The following FAM118B variants were observed in gnomAD, a reference collection of about 807,000 sequenced individuals.
FAM118B encodes the protein protein FAM118B.
Under a neutral mutation model 38.5 loss-of-function variants are expected in FAM118B, and 24 were observed. That is an observed-to-expected ratio of 0.62 (90% CI 0.45 to 0.88). The LOEUF is 0.88. Among genes scored for constraint, FAM118B ranks in the 40% least tolerant of loss-of-function variants. The pLI is 0.00. For synonymous variants in FAM118B, 138 were observed against 156.3 expected (o/e 0.88, Z 0.87); for missense variants, 334 against 420.0 (o/e 0.80, Z 1.79).
chr11:126,236,759 A>AT (rs542616355), intron 3 of FAM118B, among the ~76,000 whole-genome samples: 88 of 131,298 alleles, frequency 6.7e-4, no homozygotes, highest in African/African-American at 2.5e-3. Context: ...GTGTTGCTTT[A>AT]TTTTTTTCCC....
chr11:126,216,740 C>T lies in FAM118B; in HGVS notation c.-77+4910C>T, dbSNP rs372144637. On this transcript the variant is annotated intron_variant, in intron 1 of 8. Transcript: ENST00000533050. ...TGTGCAAAGTGAAAATTGTCAGAAGCATTTCCTACCACCATACTCATTTCC... is the reference window on the plus strand; with the variant it reads ...TGTGCAAAGTGAAAATTGTCAGAAGTATTTCCTACCACCATACTCATTTCC... 5.3e-5 allele frequency among the ~76,000 whole-genome samples: 8 copies of T among 152,226 alleles called. No individual in the cohort carries two copies. In the East Asian group the frequency reaches 1.5e-3, roughly 29 times the overall value.
chr11:126,230,536 C>T (rs958203333), intron 2 of FAM118B, among the ~76,000 whole-genome samples: 6 of 152,192 alleles, frequency 3.9e-5, no homozygotes, highest in East Asian at 1.9e-4. Flanking sequence ...GTGGAGGAAG[C>T]TTGCTGATCC....
At chr11:126,222,674 A>C (rs1458340451) in intron 1 of FAM118B, among the ~76,000 whole-genome samples, 1 of 152,244 alleles carries the variant, frequency 6.6e-6, no homozygotes, top group Non-Finnish European at 1.5e-5. Context: ...AAAATACTAC[A>C]ACCTTCCCAA....
At position 126,256,472 on chromosome 11, in the gene FAM118B, C is replaced by A; in HGVS notation, c.697-95C>A. The A allele has an allele frequency of 8.6e-7, 1 of 1,157,514 alleles. No individual in the cohort carries two copies. Among genetic ancestry groups the A allele is most frequent in the Non-Finnish European group, 1.2e-6 (1 of 815,752 alleles). The allele number at this position is 1,157,514 out of a possible 1,614,324, so 71.7% of individuals were successfully genotyped here. A position where few individuals can be genotyped will look rare whatever the true frequency, so the allele number is the denominator to read the frequency against. On this transcript the variant is annotated intron_variant, in intron 6 of 8. Coordinates refer to ENST00000533050, the MANE Select transcript of FAM118B (RefSeq NM_024556.4). This position sits in a 1 kb window ranked among gnomAD's most constrained non-coding sequence, Gnocchi z 6.6. ...CCCACTTAAGTCTTGCTTAATTGGTCATCACAGTCTGCTCAACGTAGCATG... is the reference window on the plus strand; with the variant it reads ...CCCACTTAAGTCTTGCTTAATTGGTAATCACAGTCTGCTCAACGTAGCATG...
Position 126,253,874 on chromosome 11 carries a change from T to C in FAM118B, c.568-431T>C, listed in dbSNP as rs975100623. ...CCAACACTTTTCAAGCTTCTGCTTGTGTGTGTTTGCTAGTATCCCATTGGC... is the reference window on the plus strand; with the variant it reads ...CCAACACTTTTCAAGCTTCTGCTTGCGTGTGTTTGCTAGTATCCCATTGGC... On this transcript the variant is annotated intron_variant, in intron 5 of 8. Transcript: ENST00000533050. This position sits in a 1 kb window ranked among gnomAD's most constrained non-coding sequence, Gnocchi z 5.1. 1.3e-5 allele frequency among the ~76,000 whole-genome samples: 2 copies of C among 152,138 alleles called. No homozygotes were observed. Among genetic ancestry groups the C allele is most frequent in the African/African-American group, 4.8e-5 (2 of 41,446 alleles).
intron 2 of FAM118B, among the ~76,000 whole-genome samples, chr11:126,230,131 G>A (rs1334300361): frequency 6.6e-6 from 1 of 152,180 alleles, no homozygotes; most frequent in African/African-American, 2.4e-5. Context: ...AGCTAGACAT[G>A]ATTCCTGTCT....
chr11:126,261,437 G>A lies in FAM118B; in HGVS notation c.995G>A (p.Arg332Lys), dbSNP rs548623390. 1.2e-6 allele frequency: 2 copies of A among 1,613,986 alleles called. No homozygotes were observed. The highest frequency in any genetic ancestry group is 1.7e-6 in the Non-Finnish European group (2 of 1,179,874). ...GTCCTCTATTTAGCAGGGATGGTGA[G>A]AGAAGGTCAGCTAAATGGCTCATCT... ...STRGTSAGMV[R>K]EGQLNGSSAA... Residue 332 changes from arginine (R) to lysine (K), a missense_variant, in exon 8 of 9, where the codon AGA becomes AAA. Around this residue, in one of 3 missense-constraint regions of FAM118B, gnomAD observed 88 missense variants for 98.1 expected, o/e 0.90. Coordinates refer to ENST00000533050, the MANE Select transcript of FAM118B (RefSeq NM_024556.4).
chr11:126,257,071 G>C (rs1950589572), intron 7 of FAM118B, among the ~76,000 whole-genome samples: 1 of 152,180 alleles, frequency 6.6e-6, no homozygotes, highest in African/African-American at 2.4e-5. Flanking sequence ...ATAGACATAG[G>C]AAGAATGAAG....
At chr11:126,257,626 C>T (rs1403986625) in intron 7 of FAM118B, among the ~76,000 whole-genome samples, 9 of 133,140 alleles carry the variant, frequency 6.8e-5, no homozygotes, top group Non-Finnish European at 1.1e-4. Flanking sequence ...TTTTTTGGTG[C>T]GTGTAGAAAT....
In FAM118B at chr11:126,253,141, A is replaced by G. The variant is rs1450853559; in HGVS notation, c.568-1164A>G. 2.0e-5 allele frequency among the ~76,000 whole-genome samples: 3 copies of G among 152,248 alleles called. No individual in the cohort carries two copies. The highest frequency in any genetic ancestry group is 4.4e-5 in the Non-Finnish European group (3 of 68,044). Reference sequence around the variant, plus strand: ...AAGTGTGTTCATGGATATCAGAAGCATAAGGACCTTTTAAAAGCTGAGGAT... The same window carrying G: ...AAGTGTGTTCATGGATATCAGAAGCGTAAGGACCTTTTAAAAGCTGAGGAT... On this transcript the variant is annotated intron_variant, in intron 5 of 8. Transcript: ENST00000533050. The surrounding 1 kb of genome is among the most constrained non-coding windows in gnomAD (Gnocchi z 5.1).
In FAM118B at chr11:126,250,844, T is replaced by C; in HGVS notation, c.567+111T>C. On this transcript the variant is annotated intron_variant, in intron 5 of 8. Coordinates refer to ENST00000533050, the MANE Select transcript of FAM118B (RefSeq NM_024556.4). This position sits in a 1 kb window ranked among gnomAD's most constrained non-coding sequence, Gnocchi z 5.1. ...TTTATGTAGAGCTAGAAAGGAAAAA[T>C]TTTTTCCCTGGTTGGAGTTTTTGTT... is the stretch of plus-strand genomic sequence containing the variant. 1.3e-6 allele frequency: 1 copy of C among 798,648 alleles called. No homozygotes were observed. 49.5% of individuals were successfully genotyped at this position (798,648 alleles called of 1,614,324 possible).
At chr11:126,227,058 CTT>C (rs575065140) in intron 1 of FAM118B, among the ~76,000 whole-genome samples, 251 of 97,150 alleles carry the variant, frequency 2.6e-3, no homozygotes, top group East Asian at 0.018. Context: ...ATACAAGCTT[CTT>C]TTTTTTTTTT....
intron 1 of FAM118B, chr11:126,214,503 G>GTTTTTGTTT (rs1555048584): frequency 1.8e-4 from 5 of 28,258 alleles, no homozygotes; most frequent in Non-Finnish European, 3.0e-4. Context: ...TTTTTTTTTT[G>GTTTTTGTTT]TTTTTTTTTT....
chr11:126,234,886 A>C, intron 2 of FAM118B, 109 bp from the exon 3 acceptor site: 1 of 748,254 alleles, frequency 1.3e-6, no homozygotes, highest in Non-Finnish European at 2.1e-6. Context: ...GGCACCTCCA[A>C]AACACCTTTA....
Position 126,254,418 on chromosome 11 carries a change from G to C in FAM118B, c.681G>C (p.Arg227Ser), listed in dbSNP as rs1165272780. The C allele has an allele frequency of 1.2e-6, 2 of 1,614,188 alleles. No homozygotes were observed. The highest frequency in any genetic ancestry group is 1.7e-6 in the Non-Finnish European group (2 of 1,180,010). ...LHPAGYQNVL[R>S]NTEVMREIQK... is the part of the protein sequence containing the mutation. The stretch of plus-strand genomic sequence containing the variant: ...CGGCTGGATATCAGAACGTGCTCAG[G>C]AACACTGAAGTCATGGTGAGTGGGG... Residue 227 changes from arginine to serine, a missense_variant, in exon 6 of 9, where the codon AGG (arginine) becomes AGC (serine). Coordinates refer to ENST00000533050, the MANE Select transcript of FAM118B (RefSeq NM_024556.4).
intron 1 of FAM118B, among the ~76,000 whole-genome samples, chr11:126,217,105 A>G (rs1949989433): frequency 6.6e-6 from 1 of 152,256 alleles, no homozygotes. Context: ...GAAAACCCAC[A>G]CAGACATGGG....
At chr11:126,236,500 C>G (rs998111066) in intron 3 of FAM118B, among the ~76,000 whole-genome samples, 2 of 151,936 alleles carry the variant, frequency 1.3e-5, no homozygotes, top group East Asian at 1.9e-4. Context: ...TGTTGTTGTT[C>G]ATTAGAAGCT....
At chr11:126,247,719 G>A (rs938055527) in intron 4 of FAM118B, among the ~76,000 whole-genome samples, 4 of 151,836 alleles carry the variant, frequency 2.6e-5, no homozygotes, top group African/African-American at 4.8e-5. Flanking sequence ...TTAGCCTGGC[G>A]TGGTGGCAGG....
chr11:126,243,573 A>G (rs527675380), intron 4 of FAM118B, among the ~76,000 whole-genome samples: 1 of 152,270 alleles, frequency 6.6e-6, no homozygotes, highest in East Asian at 1.9e-4. Flanking sequence ...CCCATGAGGA[A>G]GTCAGAGTCT....
Sources: allele counts gnomAD v4.1 joint callset (sites outside exome capture counted in the v4.1 genomes callset), GRCh38; gene constraint gnomAD v4.1.1; regional missense constraint gnomAD v4.1.1; non-coding constraint Gnocchi (gnomAD v3.1); transcripts MANE v1.5; gene names NCBI Gene and HGNC (gene_info 2026-07-23, HGNC 2026-07-21).